Variants in DDAH1 observed in about 807,000 individuals in gnomAD.
DDAH1 encodes the protein dimethylarginine dimethylaminohydrolase 1.
In DDAH1, 19 loss-of-function variants were observed where a neutral mutation model predicts 28.8. The observed-to-expected ratio is 0.66, with a 90% CI of 0.46 to 0.97. The LOEUF (loss-of-function observed/expected upper bound fraction) is 0.97. Ranked by LOEUF, DDAH1 falls within the 50% of genes least tolerant of loss-of-function variation. The pLI is 0.00. For synonymous variants in DDAH1, 153 were observed against 154.4 expected, an observed-to-expected ratio of 0.99 and a Z score of 0.07; for missense variants, 326 against 375.9, an observed-to-expected ratio of 0.87 and a Z score of 1.10.
chr1:85,396,671 T>C (rs1301241697), intron 1 of DDAH1, among the ~76,000 whole-genome samples: 1 of 152,182 alleles, frequency 6.6e-6, no homozygotes, highest in African/African-American at 2.4e-5. Context: ...TTAAATTATA[T>C]AGGAAATATT....
At chr1:85,346,727 A>C (rs181320124) in intron 4 of DDAH1, among the ~76,000 whole-genome samples, 97 of 137,000 alleles carry the variant, frequency 7.1e-4, no homozygotes, top group African/African-American at 2.5e-3. Context: ...TGGAGTATTT[A>C]TATTTCTATG....
intron 1 of DDAH1, among the ~76,000 whole-genome samples, chr1:85,531,549 A>G (rs1201521299): frequency 6.6e-6 from 1 of 151,800 alleles, no homozygotes; most frequent in Non-Finnish European, 1.5e-5. Context: ...CTGTGTCTTA[A>G]CATTTCGAAT....
intron 1 of DDAH1, among the ~76,000 whole-genome samples, chr1:85,426,182 GT>G (rs1264859666): frequency 3.3e-5 from 5 of 152,062 alleles, no homozygotes; most frequent in African/African-American, 4.8e-5. Flanking sequence ...TTTCCTTTAT[GT>G]TTTCCCATTC....
chr1:85,321,703 C>A (rs1661352303), intron 5 of DDAH1, 135 bp from the exon 6 acceptor site: 3 of 689,210 alleles, frequency 4.4e-6, no homozygotes, highest in Non-Finnish European at 7.7e-6. Context: ...GTCTCAACCA[C>A]ACACATGCCC....
chr1:85,478,375 G>T lies in DDAH1; in HGVS notation c.-7+17791C>A, dbSNP rs141825164. Among the ~76,000 whole-genome samples, 189 of 152,246 alleles carry T rather than the reference G, an allele frequency of 1.2e-3. 2 individuals carry two copies. Among genetic ancestry groups the T allele is most frequent in the Middle Eastern group, 0.01 (3 of 294 alleles). ...GCTAATGAAGATATACCTAAGACAGGGTAGTTTATACAGGAAAGAAGTTTA... is the reference window on the plus strand; with the variant it reads ...GCTAATGAAGATATACCTAAGACAGTGTAGTTTATACAGGAAAGAAGTTTA... On this transcript the variant is annotated intron_variant, in intron 2 of 6. Coordinates refer to the DDAH1 transcript ENST00000426972.
At chr1:85,396,542 C>G (rs1419152320) in intron 1 of DDAH1, among the ~76,000 whole-genome samples, 1 of 152,146 alleles carries the variant, frequency 6.6e-6, no homozygotes, top group African/African-American at 2.4e-5. Context: ...TCCCATTAAG[C>G]CCCACCTCCA....
At chr1:85,473,961 C>T (rs1035525473) in intron 2 of DDAH1, among the ~76,000 whole-genome samples, 2 of 152,182 alleles carry the variant, frequency 1.3e-5, no homozygotes, top group African/African-American at 4.8e-5. Flanking sequence ...TAAAAGACAT[C>T]CGTATTTGGC....
In DDAH1 at chr1:85,426,929, A is replaced by AAG. The variant is rs1553133542; in HGVS notation, c.303+37813_303+37814insCT. On this transcript the variant is annotated intron_variant, in intron 1 of 5. Coordinates refer to ENST00000284031, the MANE Select transcript of DDAH1 (RefSeq NM_012137.4). The stretch of plus-strand genomic sequence containing the variant: ...CTGATTCTTAAAAAAAACAAAAAAA[A>AAG]AAAAAAAAAAGGAAAAAGAAAAATA... Among the ~76,000 whole-genome samples the AAG allele has an allele frequency of 4.6e-4, 69 of 150,168 alleles. No individual in the cohort carries two copies. In the East Asian group the frequency reaches 0.01, roughly 23 times the overall value.
intron 1 of DDAH1, among the ~76,000 whole-genome samples, chr1:85,500,221 T>C (rs969347872): frequency 2.0e-5 from 3 of 151,072 alleles, no homozygotes; most frequent in African/African-American, 7.3e-5. Flanking sequence ...CCTTCCTTTC[T>C]TTTTTCCTTC....
chr1:85,465,164 C>A, upstream of DDAH1: 1 of 1,149,822 alleles, frequency 8.7e-7, no homozygotes, highest in Non-Finnish European at 1.1e-6. Context: ...GAATGTGGTG[C>A]AGAAGGAGCC....
chr1:85,506,095 G>A (rs776816865), intron 1 of DDAH1, among the ~76,000 whole-genome samples: 1 of 152,176 alleles, frequency 6.6e-6, no homozygotes, highest in Non-Finnish European at 1.5e-5. Flanking sequence ...ATGTAATTCC[G>A]TGACAAGTTC....
chr1:85,438,552 C>G (rs971645138), intron 1 of DDAH1, among the ~76,000 whole-genome samples: 2 of 152,132 alleles, frequency 1.3e-5, no homozygotes, highest in Admixed American at 6.6e-5. Context: ...ATGCACTGAC[C>G]CCTGTGCTGT....
chr1:85,512,918 A>T lies in DDAH1; in HGVS notation c.-122-16637T>A, dbSNP rs1657298935. Reference sequence around the variant, plus strand: ...AAGAATCAATATTGTGAAAATGGCCATACAGCCTAAGGTAATTTACAGATT... The same window carrying T: ...AAGAATCAATATTGTGAAAATGGCCTTACAGCCTAAGGTAATTTACAGATT... On this transcript the variant is annotated intron_variant, in intron 1 of 6. Transcript: ENST00000426972. Among the ~76,000 whole-genome samples, 3 of 152,330 alleles carry T rather than the reference A, an allele frequency of 2.0e-5. No homozygotes were observed. In the South Asian group the frequency reaches 6.2e-4, roughly 32 times the overall value.
intron 1 of DDAH1, among the ~76,000 whole-genome samples, chr1:85,412,130 T>G (rs991644330): frequency 2.0e-5 from 3 of 152,234 alleles, no homozygotes; most frequent in Non-Finnish European, 4.4e-5. Flanking sequence ...AAAATTAACT[T>G]AAAACATGTG....
intron 1 of DDAH1, among the ~76,000 whole-genome samples, chr1:85,384,835 TTGA>T (rs1387930594): frequency 1.3e-5 from 2 of 152,218 alleles, no homozygotes; most frequent in South Asian, 2.1e-4. Context: ...TTAGTGATTC[TTGA>T]TGATCTTGGT....
At chr1:85,558,570 CTA>C (rs1659050013) in intron 1 of DDAH1, among the ~76,000 whole-genome samples, 2 of 152,052 alleles carry the variant, frequency 1.3e-5, no homozygotes, top group Admixed American at 1.3e-4. Flanking sequence ...TGATGGGTCT[CTA>C]TGTTTTTTGA....
chr1:85,409,197 A>G (rs1652534584), intron 1 of DDAH1, among the ~76,000 whole-genome samples: 1 of 152,058 alleles, frequency 6.6e-6, no homozygotes, highest in South Asian at 2.1e-4. Context: ...GCCCAAGACA[A>G]TTTTTCTTCT....
chr1:85,407,281 T>C (rs2100589459), intron 1 of DDAH1, among the ~76,000 whole-genome samples: 1 of 152,320 alleles, frequency 6.6e-6, no homozygotes, highest in South Asian at 2.1e-4. Flanking sequence ...GAATAAAGCC[T>C]CAGTATGCTT....
chr1:85,489,918 G>A (rs1434460478), intron 2 of DDAH1, among the ~76,000 whole-genome samples: 1 of 152,064 alleles, frequency 6.6e-6, no homozygotes, highest in Non-Finnish European at 1.5e-5. Flanking sequence ...TGATCACGGA[G>A]GGAAGAAGAA....
Sources: allele counts gnomAD v4.1 joint callset (sites outside exome capture counted in the v4.1 genomes callset), GRCh38; gene constraint gnomAD v4.1.1; transcripts MANE v1.5; gene names NCBI Gene and HGNC (gene_info 2026-07-23, HGNC 2026-07-21).